Variants in DPH6 observed in about 807,000 individuals in gnomAD.
DPH6 encodes diphthine--ammonia ligase.
In DPH6, 33 loss-of-function variants were observed where a neutral mutation model predicts 38.2. The ratio of observed to expected loss-of-function variants is 0.86; its 90% CI spans 0.65 to 1.15. The LOEUF is 1.15. DPH6 is among the 50% of genes most tolerant of loss of function. DPH6 has a pLI of 0.00. For missense variants in DPH6, 325 were observed against 320.0 expected (o/e 1.02, Z -0.12); for synonymous variants, 108 against 103.0 (o/e 1.05, Z -0.30).
intron 3 of DPH6, among the ~76,000 whole-genome samples, chr15:35,253,023 C>A (rs567356091): frequency 6.6e-6 from 1 of 152,344 alleles, no homozygotes; most frequent in South Asian, 2.1e-4. Context: ...CACCAACTAT[C>A]TCTGACGTCT....
intron 3 of DPH6, among the ~76,000 whole-genome samples, chr15:35,317,513 T>G (rs1265161413): frequency 6.8e-6 from 1 of 147,600 alleles, no homozygotes; most frequent in Non-Finnish European, 1.5e-5. Flanking sequence ...TAAAGACATT[T>G]CCAGACTAAC....
downstream of DPH6, among the ~76,000 whole-genome samples, chr15:35,326,467 C>T (rs1183724397): frequency 6.6e-6 from 1 of 151,822 alleles, no homozygotes; most frequent in Non-Finnish European, 1.5e-5. Flanking sequence ...CAGGGTCTTT[C>T]TGTTGCCTGG....
chr15:35,344,029 A>G (rs111636856), intron 3 of DPH6, among the ~76,000 whole-genome samples: 27 of 152,174 alleles, frequency 1.8e-4, no homozygotes, highest in Middle Eastern at 3.4e-3. Context: ...TTCATGTTTA[A>G]TAACAGTTAT....
the DPH6 span, among the ~76,000 whole-genome samples, chr15:35,158,777 G>A: frequency 0.015 from 2,272 of 151,988 alleles, 29 homozygotes; most frequent in Non-Finnish European, 0.024. Context: ...AAAGATTACT[G>A]GAAATGATAA....
At chr15:35,410,567 C>T (rs562019581) in intron 6 of DPH6, among the ~76,000 whole-genome samples, 7 of 151,742 alleles carry the variant, frequency 4.6e-5, no homozygotes, top group South Asian at 2.1e-4. Context: ...ATATAGAATA[C>T]GGTGCTCATT....
chr15:35,330,476 T>A (rs1412195097), downstream of DPH6, among the ~76,000 whole-genome samples: 1 of 152,112 alleles, frequency 6.6e-6, no homozygotes, highest in African/African-American at 2.4e-5. Context: ...GACAGCAATA[T>A]CTCCTTTGCA....
chr15:35,292,719 T>A (rs973743782), intron 3 of DPH6, among the ~76,000 whole-genome samples: 1 of 152,156 alleles, frequency 6.6e-6, no homozygotes, highest in African/African-American at 2.4e-5. Flanking sequence ...TGCATATTTT[T>A]AAAAAAGAAA....
At chr15:35,466,587 C>T (rs1176554119) in intron 3 of DPH6, among the ~76,000 whole-genome samples, 1 of 152,016 alleles carries the variant, frequency 6.6e-6, no homozygotes, top group Non-Finnish European at 1.5e-5. Flanking sequence ...GTAATAGGAC[C>T]ATATTGAAAT....
At chr15:35,283,987 A>G (rs1444660360) in intron 3 of DPH6, among the ~76,000 whole-genome samples, 2 of 152,218 alleles carry the variant, frequency 1.3e-5, no homozygotes, top group African/African-American at 4.8e-5. Flanking sequence ...TTCATTAAGC[A>G]TAAATTTTAA....
the DPH6 span, among the ~76,000 whole-genome samples, chr15:35,148,625 T>C: frequency 2.0e-5 from 3 of 152,298 alleles, no homozygotes; most frequent in South Asian, 6.2e-4. Flanking sequence ...ATTTTATAAA[T>C]GTGTATAATT....
chr15:35,153,727 G>T, the DPH6 span, among the ~76,000 whole-genome samples: 8 of 152,156 alleles, frequency 5.3e-5, no homozygotes, highest in African/African-American at 1.9e-4. Context: ...GACAGAGAGA[G>T]AGAGAAGAAA....
At chr15:35,353,421 T>C (rs1254597068) in intron 3 of DPH6, among the ~76,000 whole-genome samples, 1 of 152,234 alleles carries the variant, frequency 6.6e-6, no homozygotes, top group Non-Finnish European at 1.5e-5. Context: ...AAGTCTAACA[T>C]GTAAGTCTTT....
At chr15:35,161,760 C>T in the DPH6 span, among the ~76,000 whole-genome samples, 1 of 151,792 alleles carries the variant, frequency 6.6e-6, no homozygotes, top group Admixed American at 6.6e-5. Flanking sequence ...CAGAAAGATG[C>T]CAGCAAGAGA....
chr15:35,416,033 T>C (rs902391403), intron 5 of DPH6, among the ~76,000 whole-genome samples: 1 of 152,040 alleles, frequency 6.6e-6, no homozygotes, highest in Non-Finnish European at 1.5e-5. Context: ...ATGGGCCTGA[T>C]GTTTTAGACC....
chr15:35,170,242 GTCTCATTCTTGAGCTTGACT>G, the DPH6 span, among the ~76,000 whole-genome samples: 2 of 152,138 alleles, frequency 1.3e-5, no homozygotes, highest in Non-Finnish European at 2.9e-5. Flanking sequence ...CAGCAAAATG[GTCTCATTCTTGAGCTTGACT>G]TCCATGATGA....
At chr15:35,166,303 C>T in the DPH6 span, among the ~76,000 whole-genome samples, 1 of 151,908 alleles carries the variant, frequency 6.6e-6, no homozygotes, top group African/African-American at 2.4e-5. Flanking sequence ...ATTTTACACT[C>T]TTTGTCCTAA....
intron 3 of DPH6, among the ~76,000 whole-genome samples, chr15:35,511,521 G>A (rs1456594605): frequency 1.3e-5 from 2 of 152,100 alleles, no homozygotes; most frequent in African/African-American, 4.8e-5. Flanking sequence ...TGTACATAGT[G>A]TGAATATGTA....
At chr15:35,436,504 C>CAAACAAAAAAA (rs1189101516) in intron 5 of DPH6, among the ~76,000 whole-genome samples, 3 of 108,188 alleles carry the variant, frequency 2.8e-5, no homozygotes, top group Middle Eastern at 4.5e-3. Flanking sequence ...CAAAACAAAA[C>CAAACAAAAAAA]AAAACAAAAC....
At chr15:35,480,038 T>C (rs1374181164) in intron 3 of DPH6, among the ~76,000 whole-genome samples, 1 of 152,070 alleles carries the variant, frequency 6.6e-6, no homozygotes, top group African/African-American at 2.4e-5. Flanking sequence ...GAAAACATTA[T>C]GCTTTGTTTA....
Sources: allele counts gnomAD v4.1 joint callset (sites outside exome capture counted in the v4.1 genomes callset), GRCh38; gene constraint gnomAD v4.1.1; transcripts MANE v1.5; gene names NCBI Gene and HGNC (gene_info 2026-07-23, HGNC 2026-07-21).